Variants in USP46 observed in about 807,000 individuals in gnomAD.
The protein encoded by USP46 is ubiquitin carboxyl-terminal hydrolase 46.
USP46 carries 12 observed loss-of-function variants against 44.4 expected under a neutral mutation model. The observed-to-expected ratio is 0.27, with a 90% CI of 0.17 to 0.44. The LOEUF is 0.44. USP46 is among the 20% of genes least tolerant of loss of function. The pLI is 1.00. For synonymous variants in USP46, 155 were observed against 161.5 expected, an observed-to-expected ratio of 0.96 and a Z score of 0.31; for missense variants, 248 against 444.8, an observed-to-expected ratio of 0.56 and a Z score of 3.98.
At chr4:52,621,168 T>A in intron 4 of USP46, among the ~76,000 whole-genome samples, 1 of 152,134 alleles carries the variant, frequency 6.6e-6, no homozygotes, top group Non-Finnish European at 1.5e-5. Flanking sequence ...AAGAGAGAAC[T>A]AATTTTACAG....
Position 52,592,695 on chromosome 4 carries a change from C to T in USP46, c.*4945G>A, listed in dbSNP as rs189307765. On this transcript the variant is annotated 3_prime_UTR_variant, in exon 9 of 9. Transcript: ENST00000441222. The stretch of plus-strand genomic sequence containing the variant: ...ATCTACTGAAAATACAAAAATTACC[C>T]GGGTATAGTGGCACATGCCTGTAGT... The T allele has an allele frequency of 2.3e-4, 88 of 390,212 alleles. No homozygotes were observed. Among genetic ancestry groups the T allele is most frequent in the East Asian group, 1.1e-3 (31 of 27,618 alleles). The allele number at this position is 390,212 out of a possible 1,614,324, so 24.2% of individuals were successfully genotyped here.
At chr4:52,658,114 G>A in intron 1 of USP46, 1 of 435,380 alleles carries the variant, frequency 2.3e-6, no homozygotes, top group Non-Finnish European at 4.7e-6. Flanking sequence ...GCTTGGGAGG[G>A]GGCTAGAGGG....
chr4:52,623,178 G>A (rs1717441968), intron 4 of USP46, among the ~76,000 whole-genome samples: 1 of 151,982 alleles, frequency 6.6e-6, no homozygotes, highest in African/African-American at 2.4e-5. Context: ...GACAGGGAGT[G>A]GCAACAGAAT....
chr4:52,593,137 CA>C lies in USP46; in HGVS notation c.*4502del, dbSNP rs1716092080. On this transcript the variant is annotated 3_prime_UTR_variant, in exon 9 of 9. Coordinates refer to ENST00000441222, the MANE Select transcript of USP46 (RefSeq NM_022832.4). Reference sequence around the variant, plus strand: ...ATAAGGGAATGGAAATGGAAGGCTTCATTTTTTTAGTAAAGGTATTTTAAGT... The same window carrying C: ...ATAAGGGAATGGAAATGGAAGGCTTCTTTTTTTAGTAAAGGTATTTTAAGT... The C allele has an allele frequency of 7.6e-6, 3 of 392,888 alleles. No individual in the cohort carries two copies. Among genetic ancestry groups the C allele is most frequent in the Non-Finnish European group, 9.0e-6 (2 of 223,210 alleles). 24.3% of individuals were successfully genotyped at this position (392,888 alleles called of 1,614,324 possible).
chr4:52,656,409 G>A lies in USP46; in HGVS notation c.36+2706C>T, dbSNP rs1297970397. On this transcript the variant is annotated intron_variant, in intron 1 of 8. Transcript: ENST00000441222. ...CATACCCAGCCTTCTCCTCTGGGAA[G>A]GAAGACTGGGAGGGACAGTGGGGGC... The A allele has an allele frequency of 3.5e-6, 5 of 1,433,026 alleles. No individual in the cohort carries two copies. In the African/African-American group the frequency reaches 7.2e-5, roughly 21 times the overall value. 88.8% of individuals were successfully genotyped at this position (1,433,026 alleles called of 1,614,324 possible).
chr4:52,651,307 A>G (rs916319053), intron 1 of USP46, among the ~76,000 whole-genome samples: 3 of 152,046 alleles, frequency 2.0e-5, no homozygotes, highest in African/African-American at 7.2e-5. Flanking sequence ...GAGGGAGTAG[A>G]AGGAGGAGGG....
intron 3 of USP46, among the ~76,000 whole-genome samples, chr4:52,627,685 T>C (rs960491626): frequency 6.6e-6 from 1 of 152,228 alleles, no homozygotes; most frequent in African/African-American, 2.4e-5. Context: ...TCTCTTACAA[T>C]GATCCTGCCC....
At position 52,626,000 on chromosome 4, in the gene USP46, A is replaced by C; in HGVS notation, c.561+18T>G. The C allele has an allele frequency of 6.2e-7, 1 of 1,606,924 alleles. No homozygotes were observed. Among genetic ancestry groups the C allele is most frequent in the Non-Finnish European group, 8.5e-7 (1 of 1,175,790 alleles). Reference sequence around the variant, plus strand: ...AATATGAACATGCGAGCTACATAAGAGCTCCCCTAGTACTTACAGTTTCAC... The same window carrying C: ...AATATGAACATGCGAGCTACATAAGCGCTCCCCTAGTACTTACAGTTTCAC... On this transcript the variant is annotated intron_variant, in intron 4 of 8. Coordinates refer to ENST00000441222, the MANE Select transcript of USP46 (RefSeq NM_022832.4).
In USP46 at chr4:52,591,733, C is replaced by A. The variant is rs575823945; in HGVS notation, c.*5907G>T. 3 of 152,198 alleles carry A rather than the reference C, an allele frequency of 2.0e-5. No individual in the cohort carries two copies. The highest frequency in any genetic ancestry group is 2.9e-5 in the Non-Finnish European group (2 of 67,994). 9.4% of individuals were successfully genotyped at this position (152,198 alleles called of 1,614,324 possible). On this transcript the variant is annotated 3_prime_UTR_variant, in exon 9 of 9. Transcript: ENST00000441222. ...CAAATCCCTTTAAAACATAAAGGAA[C>A]CTTAAAAAGCAAACAAAGGCTGATG...
At chr4:52,607,365 AGT>A (rs988542631) in intron 5 of USP46, among the ~76,000 whole-genome samples, 1 of 152,204 alleles carries the variant, frequency 6.6e-6, no homozygotes, top group Non-Finnish European at 1.5e-5. Flanking sequence ...TTGGAACAAA[AGT>A]GGGCAACAAT....
intron 1 of USP46, among the ~76,000 whole-genome samples, chr4:52,634,451 G>A (rs537866062): frequency 5.0e-4 from 72 of 144,926 alleles, no homozygotes; most frequent in African/African-American, 1.8e-3. Flanking sequence ...GGAGGTTGCA[G>A]TGAGCTGAGA....
intron 4 of USP46, among the ~76,000 whole-genome samples, chr4:52,623,251 G>GA (rs1335665284): frequency 6.6e-6 from 1 of 152,108 alleles, no homozygotes; most frequent in East Asian, 1.9e-4. Context: ...GAAAAAGACT[G>GA]AAAATCTGTC....
At chr4:52,656,229 G>A (rs2109377994) in intron 1 of USP46, 1 of 1,497,550 alleles carries the variant, frequency 6.7e-7, no homozygotes, top group Non-Finnish European at 9.1e-7. Context: ...AAAGTTAGGA[G>A]CGGGAAGGGT....
chr4:52,623,186 A>T (rs1208397974), intron 4 of USP46, among the ~76,000 whole-genome samples: 1 of 152,182 alleles, frequency 6.6e-6, no homozygotes, highest in Non-Finnish European at 1.5e-5. Flanking sequence ...GTGGCAACAG[A>T]ATAGATTTAA....
intron 1 of USP46, among the ~76,000 whole-genome samples, chr4:52,658,588 C>A (rs1719047954): frequency 1.3e-5 from 2 of 152,210 alleles, no homozygotes; most frequent in South Asian, 2.1e-4. Flanking sequence ...ACTTCTCCAG[C>A]CACAATTTTG....
chr4:52,594,814 T>C lies in USP46; in HGVS notation c.*2826A>G, dbSNP rs1330178624. On this transcript the variant is annotated 3_prime_UTR_variant, in exon 9 of 9. Coordinates refer to ENST00000441222, the MANE Select transcript of USP46 (RefSeq NM_022832.4). ...CACCAGGCCATAAAACCAAATATGATTGACTTCCTATTCAAACTAATGCCC... is the reference window on the plus strand; with the variant it reads ...CACCAGGCCATAAAACCAAATATGACTGACTTCCTATTCAAACTAATGCCC... 1 of 152,184 alleles carries C rather than the reference T, an allele frequency of 6.6e-6. No homozygotes were observed. The highest frequency in any genetic ancestry group is 1.5e-5 in the Non-Finnish European group (1 of 68,022). 9.4% of individuals were successfully genotyped at this position (152,184 alleles called of 1,614,324 possible).
chr4:52,657,986 A>C (rs1719017419), intron 1 of USP46, among the ~76,000 whole-genome samples: 1 of 152,188 alleles, frequency 6.6e-6, no homozygotes, highest in Admixed American at 6.5e-5. Context: ...AGATCACCTT[A>C]CACCAGGGCT....
intron 4 of USP46, among the ~76,000 whole-genome samples, chr4:52,621,824 GT>G (rs1274379740): frequency 6.6e-6 from 1 of 152,230 alleles, no homozygotes; most frequent in East Asian, 1.9e-4. Context: ...CCAGGAGATA[GT>G]TTGTAGCAGC....
intron 5 of USP46, among the ~76,000 whole-genome samples, chr4:52,606,126 A>G (rs1487185595): frequency 1.3e-5 from 2 of 152,188 alleles, no homozygotes; most frequent in African/African-American, 2.4e-5. Flanking sequence ...ATGACACACA[A>G]TGGAACACAT....
Sources: allele counts gnomAD v4.1 joint callset (sites outside exome capture counted in the v4.1 genomes callset), GRCh38; gene constraint gnomAD v4.1.1; transcripts MANE v1.5; gene names NCBI Gene and HGNC (gene_info 2026-07-23, HGNC 2026-07-21).